ATP5PO: variants seen among roughly 807,000 people sequenced by gnomAD.
ATP5PO encodes ATP synthase peripheral stalk subunit OSCP, mitochondrial.
A neutral mutation model predicts 26.2 loss-of-function variants in ATP5PO; 14 were observed. The observed-to-expected ratio is 0.53, with a 90% CI of 0.35 to 0.83. The LOEUF is 0.83. Among genes scored for constraint, ATP5PO ranks in the 40% least tolerant of loss-of-function variants. The pLI is 0.01. For synonymous variants in ATP5PO, 106 were observed against 95.1 expected (o/e 1.12, Z -0.67); for missense variants, 241 against 258.5 (o/e 0.93, Z 0.46).
rs570597425 is a variant in ATP5PO, at chr21:33,910,852, G to A, written c.198+1437C>T. Among the ~76,000 whole-genome samples, 3 of 152,316 alleles carry A rather than the reference G, an allele frequency of 2.0e-5. No individual in the cohort carries two copies. The East Asian group carries it at 5.8e-4, about 29-fold the overall frequency. On this transcript the variant is annotated intron_variant, in intron 3 of 6. Coordinates refer to ENST00000290299, the MANE Select transcript of ATP5PO (RefSeq NM_001697.3). ...TAAAATTATTCTGCCTGTTAAGACG[G>A]AAGTTCCAATAGAAGCTCAAGTGAA...
chr21:33,913,442 C>A (rs1987274380), intron 2 of ATP5PO, among the ~76,000 whole-genome samples: 1 of 152,110 alleles, frequency 6.6e-6, no homozygotes, highest in Non-Finnish European at 1.5e-5. Context: ...ACAGTTGAAC[C>A]AATTCTCTAT....
At chr21:33,914,734 TAGG>T in intron 1 of ATP5PO, 1 of 500,438 alleles carries the variant, frequency 2.0e-6, no homozygotes, top group Non-Finnish European at 3.6e-6. Context: ...CCTAGTTTGC[TAGG>T]AATGGACCGA....
In ATP5PO at chr21:33,903,568, G is replaced by A; in HGVS notation, c.600C>T (p.Thr200=). ...GEKYVDMSVK[T]KIQKLGRAMR... ...TAGCCCTGCCCAGCTTCTGAATCTT[G>A]GTCTTGACAGACATGTCAACATATT... The change falls in exon 7 of 7, where the codon ACC becomes ACT. Residue 200 remains threonine, a synonymous_variant. Transcript: ENST00000290299. 1 of 1,614,064 alleles carries A rather than the reference G, an allele frequency of 6.2e-7. No homozygotes were observed. The highest frequency in any genetic ancestry group is 1.3e-5 in the African/African-American group (1 of 75,034).
At chr21:33,912,882 C>G (rs1205364433) in intron 2 of ATP5PO, among the ~76,000 whole-genome samples, 1 of 152,194 alleles carries the variant, frequency 6.6e-6, no homozygotes, top group African/African-American at 2.4e-5. Flanking sequence ...CTTACATAGC[C>G]TCCCTATCGA....
intron 5 of ATP5PO, among the ~76,000 whole-genome samples, chr21:33,904,571 G>C (rs1172334684): frequency 2.6e-5 from 4 of 152,214 alleles, no homozygotes; most frequent in African/African-American, 4.8e-5. Context: ...CCCAGTGAGA[G>C]AACCTGGAGC....
intron 5 of ATP5PO, among the ~76,000 whole-genome samples, chr21:33,906,130 T>C (rs1170179484): frequency 6.6e-6 from 1 of 152,100 alleles, no homozygotes. Context: ...CACCAACTAC[T>C]GAACTACAAA....
chr21:33,911,661 GGTTT>G (rs1407739143), intron 3 of ATP5PO, among the ~76,000 whole-genome samples: 6 of 103,812 alleles, frequency 5.8e-5, no homozygotes, highest in Admixed American at 5.3e-4. Flanking sequence ...CATAAGCATA[GGTTT>G]TTTTTTTTTT....
intron 5 of ATP5PO, chr21:33,907,109 A>G: frequency 1.9e-6 from 1 of 519,934 alleles, no homozygotes; most frequent in Non-Finnish European, 3.5e-6. Context: ...TGTACTTTAC[A>G]TTTAACCCAG....
chr21:33,903,732 T>C, intron 6 of ATP5PO, 93 bp from the exon 7 acceptor site: 1 of 1,360,332 alleles, frequency 7.4e-7, no homozygotes, highest in Non-Finnish European at 1.0e-6. Flanking sequence ...GTTGCACAAA[T>C]GTAAGAGGTT....
intron 5 of ATP5PO, among the ~76,000 whole-genome samples, chr21:33,905,087 C>T (rs1174292993): frequency 6.6e-6 from 1 of 152,036 alleles, no homozygotes; most frequent in Non-Finnish European, 1.5e-5. Flanking sequence ...TCCCTGGCCC[C>T]TCCTCTAAGA....
Position 33,904,002 on chromosome 21 carries a change from A to G in ATP5PO, c.461T>C (p.Leu154Pro), listed in dbSNP as rs1404207036. Residue 154 changes from leucine to proline, a missense_variant, in exon 6 of 7, where the codon CTC becomes CCC. This residue lies in a region of ATP5PO where 77 missense variants were observed against 74.5 expected (regional missense o/e 1.03). Transcript: ENST00000290299. Reference sequence around the variant, plus strand: ...CTTGAGGACAGTTTTTAATTCAGAGAGTGTGGCTTCTTCTAAAGGCTGAAA... The same window carrying G: ...CTTGAGGACAGTTTTTAATTCAGAGGGTGTGGCTTCTTCTAAAGGCTGAAA... Reference protein sequence around the residue: ...TSASPLEEATLSELKTVLKSF... With the variant: ...TSASPLEEATPSELKTVLKSF... The G allele has an allele frequency of 6.2e-7, 1 of 1,612,886 alleles. No individual in the cohort carries two copies. Among genetic ancestry groups the G allele is most frequent in the South Asian group, 1.1e-5 (1 of 90,740 alleles).
intron 2 of ATP5PO, among the ~76,000 whole-genome samples, chr21:33,912,998 C>T (rs1987269077): frequency 6.6e-6 from 1 of 152,136 alleles, no homozygotes; most frequent in Admixed American, 6.5e-5. Context: ...TGTATGACTA[C>T]ATGTTCTTAG....
intron 4 of ATP5PO, among the ~76,000 whole-genome samples, chr21:33,908,519 G>A (rs1987205003): frequency 6.6e-6 from 1 of 152,098 alleles, no homozygotes; most frequent in African/African-American, 2.4e-5. Context: ...ACCAGGCTGG[G>A]CAACATGGAG....
intron 5 of ATP5PO, 77 bp from the exon 6 acceptor site, chr21:33,904,098 A>G (rs1231486174): frequency 4.6e-6 from 6 of 1,314,118 alleles, no homozygotes; most frequent in African/African-American, 1.5e-5. Context: ...CCAGGCCCAC[A>G]TCACCAAGAC....
intron 3 of ATP5PO, among the ~76,000 whole-genome samples, chr21:33,911,049 A>G (rs146109699): frequency 6.6e-6 from 1 of 152,356 alleles, no homozygotes; most frequent in Non-Finnish European, 1.5e-5. Flanking sequence ...CTTAAAATGA[A>G]GAAAAAACCA....
intron 4 of ATP5PO, 30 bp downstream of exon 4, chr21:33,909,052 C>T (rs1331612677): frequency 1.9e-6 from 3 of 1,569,006 alleles, no homozygotes; most frequent in Non-Finnish European, 1.7e-6. Flanking sequence ...AGTTTCAAGA[C>T]ACCTCAAATG....
chr21:33,908,901 G>T, intron 4 of ATP5PO, 181 bp downstream of exon 4: 1 of 612,230 alleles, frequency 1.6e-6, no homozygotes, highest in Non-Finnish European at 2.6e-6. Flanking sequence ...ACTTCAATGT[G>T]CAAACGATTC....
intron 5 of ATP5PO, 142 bp from the exon 6 acceptor site, chr21:33,904,163 A>G: frequency 1.5e-6 from 1 of 649,092 alleles, no homozygotes; most frequent in Non-Finnish European, 2.5e-6. Flanking sequence ...GCTGCTCTGC[A>G]GCATTCACTC....
Position 33,915,737 on chromosome 21 carries a change from G to T in ATP5PO, c.27C>A (p.Leu9=). The change falls in exon 1 of 7, where the codon CTC becomes CTA. Residue 9 remains leucine, a synonymous_variant. Coordinates refer to ENST00000290299, the MANE Select transcript of ATP5PO (RefSeq NM_001697.3). ...ACCACCTTTCTCTCACCTGCCGGGA[G>T]AGCCCGGACACTGCTGGGGCAGCCA... MAAPAVSG[L]SRQVRCFSTS... 2 of 1,576,554 alleles carry T rather than the reference G, an allele frequency of 1.3e-6. No individual in the cohort carries two copies. The highest frequency in any genetic ancestry group is 1.7e-6 in the Non-Finnish European group (2 of 1,161,022).
Sources: allele counts gnomAD v4.1 joint callset (sites outside exome capture counted in the v4.1 genomes callset), GRCh38; gene constraint gnomAD v4.1.1; regional missense constraint gnomAD v4.1.1; transcripts MANE v1.5; gene names NCBI Gene and HGNC (gene_info 2026-07-23, HGNC 2026-07-21).